ACADSB: variants seen among roughly 807,000 people sequenced by gnomAD.
ACADSB encodes the protein acyl-CoA dehydrogenase short/branched chain, also known as short/branched chain specific acyl-CoA dehydrogenase, mitochondrial.
A neutral mutation model predicts 54.1 loss-of-function variants in ACADSB; 40 were observed. The ratio of observed to expected loss-of-function variants is 0.74; its 90% CI spans 0.57 to 0.96. The LOEUF is 0.96. ACADSB is among the 40% of genes least tolerant of loss of function. ACADSB has a pLI of 0.00. For missense variants in ACADSB, 530 were observed against 510.4 expected (o/e 1.04, Z -0.37); for synonymous variants, 182 against 182.8 (o/e 1.00, Z 0.03).
At chr10:123,013,460 T>TGCC in intron 1 of ACADSB, among the ~76,000 whole-genome samples, 1 of 152,236 alleles carries the variant, frequency 6.6e-6, no homozygotes, top group Admixed American at 6.5e-5. Flanking sequence ...CTTGCACCAG[T>TGCC]GCCGCAGGTG....
At chr10:123,044,047 G>A (rs891562203) in intron 6 of ACADSB, among the ~76,000 whole-genome samples, 5 of 152,124 alleles carry the variant, frequency 3.3e-5, no homozygotes, top group Non-Finnish European at 5.9e-5. Context: ...GCAGATCTTT[G>A]TAGTTCCTAA....
intron 3 of ACADSB, among the ~76,000 whole-genome samples, chr10:123,039,541 T>C (rs1040233344): frequency 2.0e-5 from 3 of 152,230 alleles, no homozygotes; most frequent in Admixed American, 2.0e-4. Context: ...GTGCTTTGGC[T>C]AGTGTGGCTC....
intron 5 of ACADSB, among the ~76,000 whole-genome samples, chr10:123,042,567 TCTC>T (rs1850489678): frequency 6.6e-6 from 1 of 150,702 alleles, no homozygotes; most frequent in African/African-American, 2.4e-5. Context: ...TTCAAGCAAT[TCTC>T]CTGCTTCAGC....
chr10:123,013,495 C>T (rs982695899), intron 1 of ACADSB, among the ~76,000 whole-genome samples: 9 of 152,374 alleles, frequency 5.9e-5, no homozygotes, highest in Admixed American at 1.3e-4. Flanking sequence ...TCTCGCGCCT[C>T]GTGCCTGCAC....
intron 4 of ACADSB, 133 bp downstream of exon 4, chr10:123,040,805 C>T: frequency 2.3e-6 from 2 of 862,548 alleles, no homozygotes; most frequent in South Asian, 3.1e-5. Context: ...TCAAGCAATG[C>T]TTGATAAATT....
In ACADSB at chr10:123,053,996, T is replaced by G. The variant is rs1052956894; in HGVS notation, c.*231T>G. 65 of 593,260 alleles carry G rather than the reference T, an allele frequency of 1.1e-4. No individual in the cohort carries two copies. In the African/African-American group the frequency reaches 1.1e-3, roughly 10 times the overall value. The allele number at this position is 593,260 out of a possible 1,614,324, so 36.7% of individuals were successfully genotyped here. ...AAACTTGGGAAATAAGCACCTGTAT[T>G]TTTTTCCAAAACTGTTTTTAAAGCT... On this transcript the variant is annotated 3_prime_UTR_variant, in exon 11 of 11. Transcript: ENST00000358776.
At chr10:123,009,122 C>T (rs767081552) in intron 1 of ACADSB, 51 bp downstream of exon 1, 34 of 1,531,946 alleles carry the variant, frequency 2.2e-5, no homozygotes, top group East Asian at 1.2e-4. Flanking sequence ...ACCTTGGCCC[C>T]TGGAATCGCA....
intron 1 of ACADSB, among the ~76,000 whole-genome samples, chr10:123,015,185 G>A (rs577875959): frequency 1.6e-4 from 25 of 152,338 alleles, no homozygotes; most frequent in African/African-American, 5.3e-4. Flanking sequence ...ACACAGAAAT[G>A]GCAGTTACTT....
At chr10:123,045,956 A>G (rs534382169) in intron 7 of ACADSB, among the ~76,000 whole-genome samples, 1 of 152,382 alleles carries the variant, frequency 6.6e-6, no homozygotes, top group South Asian at 2.1e-4. Flanking sequence ...TCTGTCCTCG[A>G]AACCTTGCAG....
At chr10:123,034,554 C>G (rs778868245) in intron 2 of ACADSB, 39 bp downstream of exon 2, 23 of 1,587,146 alleles carry the variant, frequency 1.4e-5, no homozygotes, top group Non-Finnish European at 2.0e-5. Flanking sequence ...TCTCCCCAGA[C>G]AGGATCTCTG....
intron 2 of ACADSB, among the ~76,000 whole-genome samples, chr10:123,035,197 C>T (rs1435595822): frequency 6.6e-6 from 1 of 152,136 alleles, no homozygotes; most frequent in East Asian, 1.9e-4. Context: ...ACCTCATGAT[C>T]TGCCCTCCTT....
intron 1 of ACADSB, among the ~76,000 whole-genome samples, chr10:123,015,495 A>G: frequency 6.6e-6 from 1 of 152,214 alleles, no homozygotes; most frequent in Middle Eastern, 3.2e-3. Flanking sequence ...TAAGAGGCCA[A>G]TAGCTTGCCT....
chr10:123,016,306 A>C (rs775628495), intron 1 of ACADSB, among the ~76,000 whole-genome samples: 1 of 152,264 alleles, frequency 6.6e-6, no homozygotes, highest in Non-Finnish European at 1.5e-5. Context: ...CCTTGTGGTC[A>C]TAACAAATTT....
Position 123,044,484 on chromosome 10 carries a change from A to G in ACADSB, c.899A>G (p.Gln300Arg). The G allele has an allele frequency of 3.1e-6, 5 of 1,608,936 alleles. No individual in the cohort carries two copies. Among genetic ancestry groups the G allele is most frequent in the Non-Finnish European group, 4.3e-6 (5 of 1,175,298 alleles). Residue 300 changes from glutamine to arginine, a missense_variant and splice_region_variant, in exon 7 of 11, where the codon CAG (glutamine) becomes CGG (arginine). Gln to Arg is a conservative substitution (Grantham distance 43, BLOSUM62 1). Coordinates refer to ENST00000358776, the MANE Select transcript of ACADSB (RefSeq NM_001609.4). ...LNEGRIGIAA[Q>R]MLGLAQGCFD... Reference sequence around the variant, plus strand: ...GAAGGTAGAATAGGAATTGCTGCACAGGTAAGTCAGATTTAAACTCTTCCA... The same window carrying G: ...GAAGGTAGAATAGGAATTGCTGCACGGGTAAGTCAGATTTAAACTCTTCCA...
chr10:123,035,026 A>G (rs1850380475), intron 2 of ACADSB, among the ~76,000 whole-genome samples: 1 of 150,598 alleles, frequency 6.6e-6, no homozygotes, highest in Admixed American at 6.6e-5. Flanking sequence ...CTCGGCTCAC[A>G]GCAACCTTTG....
chr10:123,026,239 C>T (rs1006449827), intron 1 of ACADSB, among the ~76,000 whole-genome samples: 5 of 152,160 alleles, frequency 3.3e-5, no homozygotes, highest in African/African-American at 1.2e-4. Context: ...CTGAAAACAT[C>T]CAATCAGTAG....
intron 1 of ACADSB, among the ~76,000 whole-genome samples, chr10:123,020,458 G>A (rs545458832): frequency 1.3e-5 from 2 of 152,320 alleles, no homozygotes; most frequent in Admixed American, 1.3e-4. Context: ...ACCATGATAG[G>A]GATGTACCAC....
chr10:123,053,352 A>T (rs965963600), intron 10 of ACADSB, among the ~76,000 whole-genome samples, 192 bp downstream of exon 10: 3 of 152,090 alleles, frequency 2.0e-5, no homozygotes, highest in Non-Finnish European at 2.9e-5. Flanking sequence ...CTATATTTTT[A>T]AAAAATATCA....
At position 123,041,287 on chromosome 10, in the gene ACADSB, G is replaced by A; in HGVS notation, c.589G>A (p.Asp197Asn). 6.2e-7 allele frequency: 1 copy of A among 1,614,202 alleles called. No homozygotes were observed. Among genetic ancestry groups the A allele is most frequent in the Non-Finnish European group, 8.5e-7 (1 of 1,180,018 alleles). The change falls in exon 5 of 11, where the codon GAT becomes AAT. Residue 197 changes from aspartate (D) to asparagine (N), a missense_variant. Asp to Asn is a conservative substitution (Grantham distance 23). Transcript: ENST00000358776. Reference protein sequence around the residue: ...ALKTRADKEGDYYVLNGSKMW... With the variant: ...ALKTRADKEGNYYVLNGSKMW... ...GAAGACCAGAGCTGATAAAGAGGGA[G>A]ATTATTATGTCCTCAATGGATCAAA...
Sources: allele counts gnomAD v4.1 joint callset (sites outside exome capture counted in the v4.1 genomes callset), GRCh38; gene constraint gnomAD v4.1.1; transcripts MANE v1.5; gene names NCBI Gene and HGNC (gene_info 2026-07-23, HGNC 2026-07-21).